The following ATP11B variants were observed in gnomAD, a reference collection of about 807,000 sequenced individuals.
ATP11B encodes phospholipid-transporting ATPase IF.
A neutral mutation model predicts 157.8 loss-of-function variants in ATP11B; 81 were observed. That is an observed-to-expected ratio of 0.51 (90% CI 0.43 to 0.62). The LOEUF (loss-of-function observed/expected upper bound fraction) is 0.62. Among genes scored for constraint, ATP11B ranks in the 20% least tolerant of loss-of-function variants. The probability of loss-of-function intolerance (pLI) is 0.00; values close to 1 mark genes in which losing one functional copy is unlikely to be tolerated. For synonymous variants in ATP11B, 451 were observed against 469.4 expected (o/e 0.96, Z 0.51); for missense variants, 1,165 against 1,402.2 (o/e 0.83, Z 2.70).
Position 182,885,969 on chromosome 3 carries a change from C to G in ATP11B, c.2674C>G (p.Pro892Ala). 2 of 1,499,714 alleles carry G rather than the reference C, an allele frequency of 1.3e-6. No individual in the cohort carries two copies. Among genetic ancestry groups the G allele is most frequent in the Non-Finnish European group, 1.8e-6 (2 of 1,134,128 alleles). The allele number at this position is 1,499,714 out of a possible 1,614,324, so 92.9% of individuals were successfully genotyped here. The change falls in exon 23 of 30, where the codon CCC becomes GCC. Residue 892 changes from proline to alanine, a missense_variant. By Grantham distance (27) the Pro-to-Ala change is conservative (BLOSUM62 -1). Coordinates refer to ENST00000323116, the MANE Select transcript of ATP11B (RefSeq NM_014616.3). Reference protein sequence around the residue: ...FFYKNVCFITPQFLYQFYCLF... With the variant: ...FFYKNVCFITAQFLYQFYCLF... Reference sequence around the variant, plus strand: ...TTTTCAGAATGTGTGCTTTATCACACCCCAGTTTTTATATCAGTTCTACTG... The same window carrying G: ...TTTTCAGAATGTGTGCTTTATCACAGCCCAGTTTTTATATCAGTTCTACTG...
Position 182,887,578 on chromosome 3 carries a change from C to T in ATP11B, c.2716-8C>T. 1 of 1,602,690 alleles carries T rather than the reference C, an allele frequency of 6.2e-7. No homozygotes were observed. Among genetic ancestry groups the T allele is most frequent in the Non-Finnish European group, 8.5e-7 (1 of 1,176,438 alleles). On this transcript the variant is annotated splice_polypyrimidine_tract_variant and splice_region_variant and intron_variant, in intron 23 of 29. Transcript: ENST00000323116. ...AAACTCAACATTCCTACCAATTTCT[C>T]TTTCTAGACATTGTATGACAGCGTG...
Position 182,884,773 on chromosome 3 carries a change from A to G in ATP11B, c.2530A>G (p.Arg844Gly). 1.3e-6 allele frequency: 2 copies of G among 1,597,078 alleles called. No homozygotes were observed. Among genetic ancestry groups the G allele is most frequent in the Non-Finnish European group, 1.7e-6 (2 of 1,175,466 alleles). ...VGIGIMGKEG[R>G]QAARNSDYAI... ...TATAGGAATCATGGGTAAAGAAGGAAGACAGGCTGCAAGAAACAGTGACTA... is the reference window on the plus strand; with the variant it reads ...TATAGGAATCATGGGTAAAGAAGGAGGACAGGCTGCAAGAAACAGTGACTA... The change falls in exon 22 of 30, where the codon AGA becomes GGA. Residue 844 changes from arginine to glycine, a missense_variant. Physicochemically the swap from Arg to Gly is moderately radical, Grantham distance 125. Coordinates refer to ENST00000323116, the MANE Select transcript of ATP11B (RefSeq NM_014616.3).
At chr3:182,860,057 C>A (rs1314860045) in intron 12 of ATP11B, among the ~76,000 whole-genome samples, 1 of 151,806 alleles carries the variant, frequency 6.6e-6, no homozygotes, top group Non-Finnish European at 1.5e-5. Flanking sequence ...CTCTGGACTT[C>A]ACTTTACCAT....
intron 4 of ATP11B, among the ~76,000 whole-genome samples, chr3:182,834,888 C>G (rs1183913551): frequency 6.6e-6 from 1 of 152,162 alleles, no homozygotes; most frequent in Non-Finnish European, 1.5e-5. Flanking sequence ...TCATCAGAAG[C>G]CTTACCAATA....
chr3:182,902,767 C>G (rs1429146725), intron 28 of ATP11B, among the ~76,000 whole-genome samples: 1 of 151,812 alleles, frequency 6.6e-6, no homozygotes, highest in East Asian at 1.9e-4. Context: ...GAAGAAAATT[C>G]AGATAAAAAT....
intron 1 of ATP11B, among the ~76,000 whole-genome samples, chr3:182,808,371 C>G (rs1042396554): frequency 6.6e-6 from 1 of 152,110 alleles, no homozygotes; most frequent in African/African-American, 2.4e-5. Context: ...CCTTGTGGAT[C>G]CAAATCTTTA....
chr3:182,835,960 GT>G lies in ATP11B; in HGVS notation c.316-67del, dbSNP rs577427509. 1.1e-4 allele frequency: 140 copies of G among 1,299,320 alleles called. No individual in the cohort carries two copies. The East Asian group carries it at 3.3e-3, about 31-fold the overall frequency. The allele number at this position is 1,299,320 out of a possible 1,614,324, so 80.5% of individuals were successfully genotyped here. A position where few individuals can be genotyped will look rare whatever the true frequency, so the allele number is the denominator to read the frequency against. On this transcript the variant is annotated intron_variant, in intron 4 of 29. Coordinates refer to ENST00000323116, the MANE Select transcript of ATP11B (RefSeq NM_014616.3). ...TGTAGTGTTCCAGGGAAGTTTTTGA[GT>G]TTTTTTTCTTATTTGATAAAAGTAT...
intron 28 of ATP11B, among the ~76,000 whole-genome samples, chr3:182,910,219 C>T (rs1724684913): frequency 6.6e-6 from 1 of 151,644 alleles, no homozygotes; most frequent in South Asian, 2.1e-4. Context: ...AAATTTTTGA[C>T]ATTTCAAGAT....
chr3:182,877,718 A>G (rs1722142378), intron 19 of ATP11B, among the ~76,000 whole-genome samples: 1 of 152,166 alleles, frequency 6.6e-6, no homozygotes, highest in Non-Finnish European at 1.5e-5. Context: ...ATTCAAGGAA[A>G]TAATTATAAA....
At chr3:182,865,334 T>C (rs1198667849) in intron 12 of ATP11B, 122 bp from the exon 13 acceptor site, 1 of 856,238 alleles carries the variant, frequency 1.2e-6, no homozygotes, top group Non-Finnish European at 1.8e-6. Flanking sequence ...AATCTCAGCA[T>C]CCATATATCA....
chr3:182,914,763 A>G (rs1387190390), intron 29 of ATP11B: 1 of 985,274 alleles, frequency 1.0e-6, no homozygotes, highest in African/African-American at 1.7e-5. Flanking sequence ...TAAACTTGCA[A>G]TGGATTTATT....
chr3:182,909,178 G>A (rs1724591249), intron 28 of ATP11B, among the ~76,000 whole-genome samples: 1 of 152,162 alleles, frequency 6.6e-6, no homozygotes, highest in South Asian at 2.1e-4. Flanking sequence ...AATAAGAAAT[G>A]TCTTAGTGTT....
chr3:182,876,638 G>C (rs541953902), intron 19 of ATP11B, among the ~76,000 whole-genome samples: 50 of 152,346 alleles, frequency 3.3e-4, no homozygotes, highest in Non-Finnish European at 6.5e-4. Flanking sequence ...GTGCCTTATT[G>C]CTGCATCCTT....
At chr3:182,900,712 T>C (rs1249501013) in intron 28 of ATP11B, among the ~76,000 whole-genome samples, 2 of 152,340 alleles carry the variant, frequency 1.3e-5, no homozygotes. Context: ...TAAATACAGT[T>C]ATATTTCACC....
chr3:182,901,206 TA>T (rs1250710229), intron 28 of ATP11B, among the ~76,000 whole-genome samples: 1 of 150,230 alleles, frequency 6.7e-6, no homozygotes, highest in South Asian at 2.1e-4. Flanking sequence ...TTTTAAAAAG[TA>T]AAAAAATTAG....
chr3:182,888,994 C>T (rs1722987337), intron 24 of ATP11B, among the ~76,000 whole-genome samples: 1 of 151,792 alleles, frequency 6.6e-6, no homozygotes, highest in Non-Finnish European at 1.5e-5. Flanking sequence ...TCCCAAGTAG[C>T]TGAGACTACA....
At chr3:182,818,951 AAGGAATTTT>A (rs909315136) in intron 1 of ATP11B, among the ~76,000 whole-genome samples, 6 of 151,532 alleles carry the variant, frequency 4.0e-5, no homozygotes, top group Admixed American at 1.3e-4. Flanking sequence ...AAAAAAACCT[AAGGAATTTT>A]GAATCGTTTT....
chr3:182,915,967 T>C (rs958676348), intron 29 of ATP11B: 2 of 984,104 alleles, frequency 2.0e-6, no homozygotes, highest in African/African-American at 3.5e-5. Context: ...GTTATATTAT[T>C]GGTTACTATT....
In ATP11B at chr3:182,845,511, A is replaced by G. The variant is rs760746973; in HGVS notation, c.758A>G (p.Lys253Arg). ...LLRGARLKNT[K>R]EIFGVAVYTG... ...CGTGGAGCCAGATTAAAAAACACAAAAGAAATTTTTGGTTTGTACATATTT... is the reference window on the plus strand; with the variant it reads ...CGTGGAGCCAGATTAAAAAACACAAGAGAAATTTTTGGTTTGTACATATTT... Residue 253 changes from lysine to arginine, a missense_variant, in exon 9 of 30, where the codon AAA becomes AGA. This residue lies in a region of ATP11B where 737 missense variants were observed against 930.5 expected (regional missense o/e 0.79). Transcript: ENST00000323116. The G allele has an allele frequency of 2.5e-6, 4 of 1,594,090 alleles. No homozygotes were observed. The highest frequency in any genetic ancestry group is 2.6e-6 in the Non-Finnish European group (3 of 1,175,012).
Sources: allele counts gnomAD v4.1 joint callset (sites outside exome capture counted in the v4.1 genomes callset), GRCh38; gene constraint gnomAD v4.1.1; regional missense constraint gnomAD v4.1.1; transcripts MANE v1.5; gene names NCBI Gene and HGNC (gene_info 2026-07-23, HGNC 2026-07-21).